JARID2: variants seen among roughly 807,000 people sequenced by gnomAD.
The protein encoded by JARID2 is protein Jumonji.
JARID2 carries 21 observed loss-of-function variants against 125.6 expected under a neutral mutation model. The observed-to-expected ratio is 0.17, with a 90% confidence interval of 0.12 to 0.24. The LOEUF (loss-of-function observed/expected upper bound fraction) is 0.24, where lower values mean the gene tolerates loss of function less well. Among genes scored for constraint, JARID2 ranks in the 10% least tolerant of loss-of-function variants. The pLI, the probability that JARID2 is intolerant of heterozygous loss-of-function variation, is 1.00. For synonymous variants in JARID2, 736 were observed against 661.6 expected, an observed-to-expected ratio of 1.11 and a Z score of -1.73; for missense variants, 1,303 against 1,639.6, an observed-to-expected ratio of 0.79 and a Z score of 3.55.
chr6:15,486,002 C>G (rs1329966035), intron 5 of JARID2, among the ~76,000 whole-genome samples: 1 of 152,202 alleles, frequency 6.6e-6, no homozygotes, highest in Non-Finnish European at 1.5e-5. Flanking sequence ...ACCTGAAGTT[C>G]TGCCAGTCCT....
At chr6:15,486,321 T>A (rs2127714977) in intron 5 of JARID2, among the ~76,000 whole-genome samples, 1 of 152,352 alleles carries the variant, frequency 6.6e-6, no homozygotes, top group East Asian at 1.9e-4. Flanking sequence ...GTGTTTCTGG[T>A]TTTCTGTAGA....
chr6:15,451,217 ACG>A (rs1283858311), intron 3 of JARID2, among the ~76,000 whole-genome samples: 6 of 152,228 alleles, frequency 3.9e-5, no homozygotes, highest in Non-Finnish European at 8.8e-5. Context: ...AGGAATTTCT[ACG>A]TAAGATATTC....
chr6:15,269,535 A>G (rs958644063), intron 1 of JARID2, among the ~76,000 whole-genome samples: 3 of 150,162 alleles, frequency 2.0e-5, no homozygotes. Flanking sequence ...CACTTGGCTA[A>G]TTTTTAATTT....
chr6:15,407,707 T>C (rs1765708088), intron 2 of JARID2, among the ~76,000 whole-genome samples: 1 of 152,192 alleles, frequency 6.6e-6, no homozygotes, highest in Non-Finnish European at 1.5e-5. Context: ...GTTCTTGTTT[T>C]GGTATTGCAA....
chr6:15,403,348 T>C (rs895772005), intron 2 of JARID2, among the ~76,000 whole-genome samples: 1 of 152,162 alleles, frequency 6.6e-6, no homozygotes, highest in Non-Finnish European at 1.5e-5. Context: ...CCTGGGATTG[T>C]TGGTTAGGAT....
In JARID2 at chr6:15,496,791, T is replaced by C; in HGVS notation, c.1566T>C (p.Cys522=). The C allele has an allele frequency of 6.2e-7, 1 of 1,610,998 alleles. No homozygotes were observed. The change falls in exon 7 of 18, where the codon TGT becomes TGC. Residue 522 remains cysteine (C), a synonymous_variant. Coordinates refer to ENST00000341776, the MANE Select transcript of JARID2 (RefSeq NM_004973.4). ...QAHGKADSAS[C]ENRSTSQPES... ...ATGGCAAGGCGGACAGCGCCTCCTG[T>C]GAAAATCGTTCTACCTCGCAACCGG...
intron 1 of JARID2, among the ~76,000 whole-genome samples, chr6:15,282,701 T>G (rs1448570921): frequency 6.6e-6 from 1 of 152,040 alleles, no homozygotes; most frequent in Non-Finnish European, 1.5e-5. Flanking sequence ...ACCTCCTGGG[T>G]TCCTATTCTC....
At chr6:15,361,891 C>T (rs1359989889) in intron 1 of JARID2, among the ~76,000 whole-genome samples, 4 of 143,684 alleles carry the variant, frequency 2.8e-5, no homozygotes, top group Non-Finnish European at 6.0e-5. Context: ...TTGGGAGCCC[C>T]CTTTTTTTTT....
At chr6:15,410,114 C>A in intron 2 of JARID2, 110 bp from the exon 3 acceptor site, 2 of 1,002,024 alleles carry the variant, frequency 2.0e-6, no homozygotes, top group Non-Finnish European at 2.9e-6. Context: ...AAATTCTCTT[C>A]TATCCACATT....
chr6:15,410,498 G>A (rs1259233053), intron 3 of JARID2, 133 bp downstream of exon 3: 3 of 827,330 alleles, frequency 3.6e-6, no homozygotes, highest in Non-Finnish European at 5.7e-6. Context: ...AGAATCATGA[G>A]GTTTCGTATC....
intron 1 of JARID2, chr6:15,368,822 C>G (rs540013343): frequency 4.5e-6 from 2 of 444,792 alleles, no homozygotes; most frequent in Non-Finnish European, 4.5e-6. Flanking sequence ...TTCATCTTTT[C>G]TTTCTGATGT....
chr6:15,493,969 C>G (rs2127728991), intron 6 of JARID2, among the ~76,000 whole-genome samples: 1 of 152,254 alleles, frequency 6.6e-6, no homozygotes, highest in Non-Finnish European at 1.5e-5. Context: ...GACCGTCTGT[C>G]AGTCCCACTT....
At chr6:15,285,096 GTCTT>G (rs900044643) in intron 1 of JARID2, among the ~76,000 whole-genome samples, 3 of 140,088 alleles carry the variant, frequency 2.1e-5, no homozygotes, top group African/African-American at 8.4e-5. Flanking sequence ...ATTAATGTGA[GTCTT>G]TCTGGGTTTT....
chr6:15,308,366 CATTT>C, intron 1 of JARID2, among the ~76,000 whole-genome samples: 1 of 152,178 alleles, frequency 6.6e-6, no homozygotes, highest in Admixed American at 6.5e-5. Context: ...TCTGGAGCCT[CATTT>C]ATTGTCACCA....
intron 6 of JARID2, among the ~76,000 whole-genome samples, chr6:15,493,848 C>T (rs371833726): frequency 6.6e-6 from 1 of 152,172 alleles, no homozygotes; most frequent in South Asian, 2.1e-4. Flanking sequence ...ACAGTACTTA[C>T]CACGGAATAT....
chr6:15,513,080 G>A (rs1771354199), intron 15 of JARID2, 35 bp downstream of exon 15: 2 of 1,612,978 alleles, frequency 1.2e-6, no homozygotes, highest in Non-Finnish European at 1.7e-6. Context: ...CAGAGAGCTG[G>A]ACCCGGCTGC....
intron 3 of JARID2, among the ~76,000 whole-genome samples, chr6:15,414,264 A>G (rs1399272510): frequency 6.6e-6 from 1 of 152,142 alleles, no homozygotes; most frequent in Non-Finnish European, 1.5e-5. Flanking sequence ...CGTTGAAGCA[A>G]TTACATTTTT....
At chr6:15,293,458 G>A (rs1761299801) in intron 1 of JARID2, among the ~76,000 whole-genome samples, 1 of 152,236 alleles carries the variant, frequency 6.6e-6, no homozygotes, top group African/African-American at 2.4e-5. Flanking sequence ...AGGGACAGAT[G>A]AAGGAATTAG....
chr6:15,319,846 A>C (rs1762295741), intron 1 of JARID2, among the ~76,000 whole-genome samples: 1 of 152,094 alleles, frequency 6.6e-6, no homozygotes, highest in African/African-American at 2.4e-5. Context: ...TACTTCTTAA[A>C]CAAATTATGC....
Sources: allele counts gnomAD v4.1 joint callset (sites outside exome capture counted in the v4.1 genomes callset), GRCh38; gene constraint gnomAD v4.1.1; transcripts MANE v1.5; gene names NCBI Gene and HGNC (gene_info 2026-07-23, HGNC 2026-07-21).